SGCZ: variants seen among roughly 807,000 people sequenced by gnomAD.
SGCZ encodes the protein zeta-sarcoglycan.
A neutral mutation model predicts 41.3 loss-of-function variants in SGCZ; 40 were observed. The observed-to-expected ratio is 0.97, with a 90% CI of 0.75 to 1.26. The LOEUF (loss-of-function observed/expected upper bound fraction) is 1.26, where lower values mean the gene tolerates loss of function less well. Ranked by LOEUF, SGCZ falls within the 50% of genes most tolerant of loss-of-function variation. The probability of loss-of-function intolerance (pLI) is 0.00; values close to 1 mark genes in which losing one functional copy is unlikely to be tolerated. For synonymous variants in SGCZ, 206 were observed against 137.5 expected (o/e 1.50, Z -3.49); for missense variants, 552 against 369.8 (o/e 1.49, Z -4.04).
chr8:14,984,847 G>T lies in SGCZ; in HGVS notation c.39+252738C>A, dbSNP rs1055974595. 2.6e-5 allele frequency among the ~76,000 whole-genome samples: 4 copies of T among 152,072 alleles called. No individual in the cohort carries two copies. The East Asian group carries it at 7.7e-4, about 29-fold the overall frequency. ...AGTTTAGCATTTTGTGTTTTGGGAC[G>T]TTTTCAATAGCAATTTTGTTGCTGT... On this transcript the variant is annotated intron_variant, in intron 1 of 7. Coordinates refer to ENST00000382080, the MANE Select transcript of SGCZ (RefSeq NM_139167.4).
intron 2 of SGCZ, among the ~76,000 whole-genome samples, chr8:14,492,402 A>G (rs1476943638): frequency 2.0e-5 from 3 of 152,164 alleles, no homozygotes; most frequent in Admixed American, 1.3e-4. Context: ...GCTTATTATA[A>G]CACTTAAACC....
chr8:14,872,147 A>G (rs1257689151), intron 1 of SGCZ, among the ~76,000 whole-genome samples: 1 of 151,988 alleles, frequency 6.6e-6, no homozygotes, highest in East Asian at 1.9e-4. Context: ...GGAGGGGAAC[A>G]TCACACACCA....
intron 1 of SGCZ, among the ~76,000 whole-genome samples, chr8:14,748,650 A>C (rs1049790723): frequency 6.6e-6 from 1 of 152,218 alleles, no homozygotes. Context: ...GGAGCAAGAG[A>C]GATCTGATTT....
chr8:14,453,179 T>C (rs544620032), intron 2 of SGCZ, among the ~76,000 whole-genome samples: 2 of 152,168 alleles, frequency 1.3e-5, no homozygotes, highest in Non-Finnish European at 1.5e-5. Context: ...CATGTATATA[T>C]TTTTATAAGT....
intron 4 of SGCZ, among the ~76,000 whole-genome samples, chr8:14,184,435 T>G (rs1179511619): frequency 6.6e-6 from 1 of 152,188 alleles, no homozygotes; most frequent in Non-Finnish European, 1.5e-5. Context: ...GAAAAGTTCT[T>G]TATTAAACAT....
chr8:14,896,361 A>C (rs898434943), intron 1 of SGCZ, among the ~76,000 whole-genome samples: 1 of 152,182 alleles, frequency 6.6e-6, no homozygotes, highest in Non-Finnish European at 1.5e-5. Context: ...GCCTAATGGC[A>C]CTGACTCTGG....
intron 2 of SGCZ, among the ~76,000 whole-genome samples, chr8:14,418,240 T>C (rs1178305757): frequency 6.6e-6 from 1 of 151,970 alleles, no homozygotes; most frequent in African/African-American, 2.4e-5. Context: ...CTATCATGAC[T>C]TGGGCTATTA....
At chr8:14,480,741 A>G (rs1392552849) in intron 2 of SGCZ, among the ~76,000 whole-genome samples, 3 of 152,058 alleles carry the variant, frequency 2.0e-5, no homozygotes, top group African/African-American at 7.2e-5. Flanking sequence ...TATAATGACA[A>G]TAAAGAATAT....
At chr8:14,390,880 G>A (rs1249263199) in intron 2 of SGCZ, among the ~76,000 whole-genome samples, 1 of 151,958 alleles carries the variant, frequency 6.6e-6, no homozygotes, top group East Asian at 1.9e-4. Flanking sequence ...TTTTAAAATA[G>A]TAAAATGTCC....
intron 2 of SGCZ, among the ~76,000 whole-genome samples, chr8:14,533,366 A>G (rs1047294297): frequency 2.0e-5 from 3 of 152,094 alleles, no homozygotes; most frequent in Non-Finnish European, 4.4e-5. Context: ...TCAAATTAAA[A>G]TATTTAAAGG....
intron 2 of SGCZ, among the ~76,000 whole-genome samples, chr8:14,545,654 C>G (rs940205892): frequency 1.1e-4 from 16 of 152,056 alleles, no homozygotes; most frequent in African/African-American, 3.9e-4. Flanking sequence ...TCCACAAGGG[C>G]AAATGGTTTT....
intron 1 of SGCZ, among the ~76,000 whole-genome samples, chr8:14,724,969 T>C (rs568423767): frequency 2.6e-5 from 4 of 152,236 alleles, no homozygotes; most frequent in African/African-American, 9.6e-5. Context: ...TTTGTACCAT[T>C]AACCCCCACC....
At chr8:14,162,024 A>T (rs1225040683) in intron 5 of SGCZ, among the ~76,000 whole-genome samples, 2 of 152,142 alleles carry the variant, frequency 1.3e-5, no homozygotes, top group African/African-American at 2.4e-5. Flanking sequence ...AAGCAGAAAA[A>T]CTTAGATTTT....
intron 2 of SGCZ, among the ~76,000 whole-genome samples, chr8:14,335,948 G>A (rs1802491630): frequency 6.6e-6 from 1 of 151,854 alleles, no homozygotes; most frequent in South Asian, 2.1e-4. Context: ...AGGTTCAGGG[G>A]TACATCTGCA....
intron 2 of SGCZ, among the ~76,000 whole-genome samples, chr8:14,436,671 A>G (rs575211457): frequency 6.6e-6 from 1 of 152,332 alleles, no homozygotes; most frequent in South Asian, 2.1e-4. Flanking sequence ...TTCTCTTTAG[A>G]CTGTCATTCG....
chr8:14,685,288 G>C (rs1198342562), intron 1 of SGCZ, among the ~76,000 whole-genome samples: 1 of 151,928 alleles, frequency 6.6e-6, no homozygotes. Context: ...TTTTGGGGTG[G>C]ACATTTCCAA....
chr8:14,434,695 GT>G (rs1319474812), intron 2 of SGCZ, among the ~76,000 whole-genome samples: 1 of 152,018 alleles, frequency 6.6e-6, no homozygotes, highest in Non-Finnish European at 1.5e-5. Flanking sequence ...CCTTGGCTAG[GT>G]ATAGTTCCAA....
chr8:14,938,769 G>T (rs1800167387), intron 1 of SGCZ, among the ~76,000 whole-genome samples: 1 of 151,850 alleles, frequency 6.6e-6, no homozygotes, highest in Non-Finnish European at 1.5e-5. Flanking sequence ...CAAATACCGT[G>T]TGTTCCCACT....
chr8:14,954,874 G>T (rs974850900), intron 1 of SGCZ, among the ~76,000 whole-genome samples: 1 of 152,172 alleles, frequency 6.6e-6, no homozygotes, highest in East Asian at 1.9e-4. Flanking sequence ...GTCATTGTTT[G>T]TGATGATTTG....
Sources: gnomAD v4.1 joint callset for allele counts (sites outside exome capture counted in the v4.1 genomes callset) on GRCh38, gnomAD v4.1.1 for gene constraint, MANE v1.5 for transcripts, NCBI Gene and HGNC (gene_info 2026-07-23, HGNC 2026-07-21) for gene names.